Variants in PTPRN2 observed in about 807,000 individuals in gnomAD.
PTPRN2 encodes the protein protein tyrosine phosphatase receptor type N2.
In PTPRN2, 74 loss-of-function variants were observed where a neutral mutation model predicts 118.8. The ratio of observed to expected loss-of-function variants is 0.62; its 90% confidence interval spans 0.52 to 0.76. The LOEUF is 0.76. Ranked by LOEUF, PTPRN2 falls within the 30% of genes least tolerant of loss-of-function variation. The probability of loss-of-function intolerance (pLI) is 0.00; values close to 1 mark genes in which losing one functional copy is unlikely to be tolerated. For missense variants in PTPRN2, 1,481 were observed against 1,394.4 expected (o/e 1.06, Z -0.99); for synonymous variants, 641 against 608.0 (o/e 1.05, Z -0.80).
chr7:157,948,138 G>A (rs1477376826), intron 11 of PTPRN2, among the ~76,000 whole-genome samples: 1 of 152,188 alleles, frequency 6.6e-6, no homozygotes, highest in East Asian at 1.9e-4. Flanking sequence ...AAGAACTTCA[G>A]TAAAATTAAC....
chr7:158,134,685 T>C (rs1818660762), intron 8 of PTPRN2, among the ~76,000 whole-genome samples: 1 of 152,122 alleles, frequency 6.6e-6, no homozygotes, highest in Non-Finnish European at 1.5e-5. Flanking sequence ...TCTGTGGTCC[T>C]CACACGGGCT....
At chr7:157,872,456 C>G (rs1194772401) in intron 12 of PTPRN2, among the ~76,000 whole-genome samples, 1 of 148,836 alleles carries the variant, frequency 6.7e-6, no homozygotes. Flanking sequence ...TCCCCACACA[C>G]GCATATCCAG....
At chr7:157,563,125 CACGTCACCACACACA>C (rs1799290293) in intron 21 of PTPRN2, among the ~76,000 whole-genome samples, 1 of 128,948 alleles carries the variant, frequency 7.8e-6, no homozygotes, top group Admixed American at 7.3e-5. Context: ...CACGTGCTCC[CACGTCACCACACACA>C]GCAGATCAGG....
intron 3 of PTPRN2, among the ~76,000 whole-genome samples, chr7:158,292,020 A>C (rs559734816): frequency 6.6e-6 from 1 of 152,348 alleles, no homozygotes; most frequent in African/African-American, 2.4e-5. Flanking sequence ...CAAAGAATAA[A>C]AGCCTGATTG....
intron 5 of PTPRN2, among the ~76,000 whole-genome samples, chr7:158,177,600 GTT>G (rs1319183460): frequency 2.0e-5 from 3 of 152,122 alleles, no homozygotes; most frequent in Non-Finnish European, 2.9e-5. Flanking sequence ...TTATAACCCA[GTT>G]TGCATTTTCT....
chr7:158,398,614 G>T (rs1445600127), intron 2 of PTPRN2, among the ~76,000 whole-genome samples: 1 of 152,164 alleles, frequency 6.6e-6, no homozygotes, highest in Non-Finnish European at 1.5e-5. Context: ...ATCTAAGTCT[G>T]GTTGGGGAAA....
At chr7:157,616,791 A>G (rs1802801182) in intron 15 of PTPRN2, 1 of 152,018 alleles carries the variant, frequency 6.6e-6, no homozygotes, top group Admixed American at 6.6e-5. Flanking sequence ...ACTTTTGGTC[A>G]CTCAGAAGTA....
intron 1 of PTPRN2, among the ~76,000 whole-genome samples, chr7:158,556,879 C>T (rs1350589800): frequency 7.1e-6 from 1 of 140,564 alleles, no homozygotes; most frequent in Non-Finnish European, 1.5e-5. Flanking sequence ...TCAGGCGGCT[C>T]CCGTGAAGGT....
chr7:158,067,765 C>T (rs1440934619), intron 11 of PTPRN2, among the ~76,000 whole-genome samples: 1 of 152,078 alleles, frequency 6.6e-6, no homozygotes, highest in African/African-American at 2.4e-5. Flanking sequence ...CAGAGCAGCA[C>T]ACCGGGTCAG....
intron 9 of PTPRN2, among the ~76,000 whole-genome samples, chr7:158,130,680 TACAGAC>T (rs1563478025): frequency 7.4e-6 from 1 of 134,638 alleles, no homozygotes; most frequent in Non-Finnish European, 1.5e-5. Context: ...CACACGTACA[TACAGAC>T]ACACACATCT....
chr7:157,984,517 T>C (rs1180855447), intron 11 of PTPRN2, among the ~76,000 whole-genome samples: 2 of 150,786 alleles, frequency 1.3e-5, no homozygotes, highest in Admixed American at 1.3e-4. Context: ...CGGTTCTGGC[T>C]GGAAGGTTCC....
At chr7:158,026,777 G>A (rs1045285290) in intron 11 of PTPRN2, among the ~76,000 whole-genome samples, 1 of 152,172 alleles carries the variant, frequency 6.6e-6, no homozygotes, top group African/African-American at 2.4e-5. Context: ...GGAAGGCAGA[G>A]TGCCCTCCAC....
intron 11 of PTPRN2, among the ~76,000 whole-genome samples, chr7:157,910,349 G>A (rs1283745645): frequency 1.3e-5 from 2 of 149,342 alleles, no homozygotes; most frequent in African/African-American, 4.9e-5. Context: ...GTGGGAACGG[G>A]TCCAGGATCA....
At chr7:158,149,322 C>G (rs1454811295) in intron 6 of PTPRN2, among the ~76,000 whole-genome samples, 3 of 152,130 alleles carry the variant, frequency 2.0e-5, no homozygotes, top group African/African-American at 2.4e-5. Context: ...AAATCACTGC[C>G]TATATTTAAC....
chr7:157,766,291 C>T (rs1440237570), intron 12 of PTPRN2, among the ~76,000 whole-genome samples: 1 of 150,472 alleles, frequency 6.6e-6, no homozygotes, highest in Non-Finnish European at 1.5e-5. Context: ...CCCACACATC[C>T]ATCATCCATT....
intron 12 of PTPRN2, among the ~76,000 whole-genome samples, chr7:157,776,467 CCTTCTCCCT>C: frequency 2.7e-5 from 4 of 147,334 alleles, no homozygotes; most frequent in Admixed American, 1.3e-4. Context: ...TCCTCCCTCT[CCTTCTCCCT>C]CTCCTCCTCC....
In PTPRN2 at chr7:157,641,746, C is replaced by G. The variant is rs570194552; in HGVS notation, c.2196+14611G>C. On this transcript the variant is annotated intron_variant, in intron 14 of 22. Coordinates refer to ENST00000389418, the MANE Select transcript of PTPRN2 (RefSeq NM_002847.5). ...CCACTCAGTCCCTGGCTCATGCATC[C>G]TAAGTGCTCCCACCTTCTGCAAACG... Among the ~76,000 whole-genome samples the G allele has an allele frequency of 1.8e-4, 27 of 152,328 alleles. No individual in the cohort carries two copies. The East Asian group carries it at 5.2e-3, about 29-fold the overall frequency.
At chr7:158,196,895 T>TA (rs1240262066) in intron 4 of PTPRN2, among the ~76,000 whole-genome samples, 1 of 152,116 alleles carries the variant, frequency 6.6e-6, no homozygotes, top group Non-Finnish European at 1.5e-5. Flanking sequence ...CTCTTAGAAA[T>TA]ACGACACTGA....
At chr7:158,411,744 T>C (rs1814111883) in intron 2 of PTPRN2, among the ~76,000 whole-genome samples, 1 of 152,140 alleles carries the variant, frequency 6.6e-6, no homozygotes, top group South Asian at 2.1e-4. Context: ...GGGAGCATGG[T>C]CTCAGGGGCC....
Sources: allele counts gnomAD v4.1 joint callset (sites outside exome capture counted in the v4.1 genomes callset), GRCh38; gene constraint gnomAD v4.1.1; transcripts MANE v1.5; gene names NCBI Gene and HGNC (gene_info 2026-07-23, HGNC 2026-07-21).